Variants in ABCA13 observed in about 807,000 individuals in gnomAD.
ABCA13 encodes ATP-binding cassette sub-family A member 13.
ABCA13 carries 476 observed loss-of-function variants against 478.7 expected under a neutral mutation model. The observed-to-expected ratio is 0.99, with a 90% CI of 0.92 to 1.07. The LOEUF is 1.07. ABCA13 is among the 50% of genes least tolerant of loss of function. The probability of loss-of-function intolerance (pLI) is 0.00; values close to 1 mark genes in which losing one functional copy is unlikely to be tolerated. For synonymous variants in ABCA13, 2,252 were observed against 2,158.9 expected (o/e 1.04, Z -1.20); for missense variants, 6,060 against 5,910.6 (o/e 1.03, Z -0.83).
rs1437026309 is a variant in ABCA13 at position 48,580,328 on chromosome 7, A to G, written c.14459A>G (p.Tyr4820Cys). The G allele has an allele frequency of 2.5e-6, 4 of 1,613,068 alleles. No individual in the cohort carries two copies. In the South Asian group the frequency reaches 3.3e-5, roughly 13 times the overall value. The stretch of plus-strand genomic sequence containing the variant: ...CTTCTGACTGGTTGGGAACATCTCT[A>G]TTATTACTGTAGCTTACGCGGGATT... ...DELLTGWEHL[Y>C]YYCSLRGIPR... Residue 4820 changes from tyrosine to cysteine, a missense_variant, in exon 56 of 62, where the codon TAT becomes TGT. Transcript: ENST00000435803.
chr7:48,543,630 GT>G (rs1417294811), intron 55 of ABCA13, among the ~76,000 whole-genome samples: 1 of 149,644 alleles, frequency 6.7e-6, no homozygotes, highest in Non-Finnish European at 1.5e-5. Flanking sequence ...TCTCAAAAAA[GT>G]AAAAAATAAA....
chr7:48,204,465 C>A (rs1236315918), intron 3 of ABCA13, among the ~76,000 whole-genome samples: 1 of 152,184 alleles, frequency 6.6e-6, no homozygotes, highest in Non-Finnish European at 1.5e-5. Flanking sequence ...CCCCCCTTGG[C>A]CTCCCAAAGT....
intron 23 of ABCA13, among the ~76,000 whole-genome samples, chr7:48,308,635 A>C (rs1021359721): frequency 3.0e-4 from 46 of 152,172 alleles, no homozygotes; most frequent in African/African-American, 1.0e-3. Context: ...TTTCATCTCC[A>C]TTATAATCTT....
chr7:48,254,684 AG>A (rs1333914410), intron 15 of ABCA13, among the ~76,000 whole-genome samples: 1 of 152,138 alleles, frequency 6.6e-6, no homozygotes, highest in Non-Finnish European at 1.5e-5. Context: ...TAATTCAGTC[AG>A]GAATTAAACT....
At chr7:48,508,801 G>T (rs530665397) in intron 50 of ABCA13, among the ~76,000 whole-genome samples, 1 of 152,292 alleles carries the variant, frequency 6.6e-6, no homozygotes, top group Non-Finnish European at 1.5e-5. Flanking sequence ...GGTGCTGTCT[G>T]AGCTGTGCTA....
rs945308101 is a variant in ABCA13 at position 48,418,407 on chromosome 7, C to T, written c.12459+5824C>T. On this transcript the variant is annotated intron_variant, in intron 41 of 61. Coordinates refer to ENST00000435803, the MANE Select transcript of ABCA13 (RefSeq NM_152701.5). ...ATAGGTGTGTAGAGGTATCTCACTG[C>T]TGCCTTAATTTGCATTTTCCTGATG... Among the ~76,000 whole-genome samples, 8 of 152,290 alleles carry T rather than the reference C, an allele frequency of 5.3e-5. No homozygotes were observed. In the East Asian group the frequency reaches 1.3e-3, roughly 26 times the overall value.
At chr7:48,317,116 T>C (rs770263894) in intron 26 of ABCA13, 41 bp from the exon 27 acceptor site, 5 of 1,572,556 alleles carry the variant, frequency 3.2e-6, no homozygotes, top group Non-Finnish European at 4.3e-6. Context: ...CTAGGCATCG[T>C]GTATCATTAG....
At position 48,269,084 on chromosome 7, in the gene ABCA13, T is replaced by C; in HGVS notation, c.2110T>C (p.Ser704Pro). ...LNNLLKSPTA[S>P]ISRALNFTKH... is the part of the protein sequence containing the mutation. ...TAACTTACTCAAGTCTCCAACAGCT[T>C]CCATATCCAGGTAAGTTATCAGAAT... is the stretch of plus-strand genomic sequence containing the variant. Residue 704 changes from serine (S) to proline (P), a missense_variant, in exon 16 of 62, where the codon TCC becomes CCC. Physicochemically the swap from Ser to Pro is moderately conservative, Grantham distance 74 (BLOSUM62 -1). Transcript: ENST00000435803. 1 of 1,548,538 alleles carries C rather than the reference T, an allele frequency of 6.5e-7. No individual in the cohort carries two copies. Among genetic ancestry groups the C allele is most frequent in the Non-Finnish European group, 8.9e-7 (1 of 1,122,624 alleles).
At chr7:48,425,115 A>C (rs976436164) in intron 41 of ABCA13, among the ~76,000 whole-genome samples, 1 of 152,148 alleles carries the variant, frequency 6.6e-6, no homozygotes, top group Admixed American at 6.5e-5. Context: ...GAGATTATTG[A>C]GGGCAAAAAC....
intron 38 of ABCA13, among the ~76,000 whole-genome samples, chr7:48,398,236 A>G (rs1207282252): frequency 2.0e-5 from 3 of 152,216 alleles, no homozygotes; most frequent in Non-Finnish European, 2.9e-5. Context: ...TCTACCCTAG[A>G]CCACAGTAAA....
chr7:48,568,453 T>C (rs973706068), intron 55 of ABCA13, among the ~76,000 whole-genome samples: 5 of 152,074 alleles, frequency 3.3e-5, no homozygotes, highest in African/African-American at 7.2e-5. Flanking sequence ...TAACTTTGCA[T>C]TCCTGGAATA....
intron 58 of ABCA13, among the ~76,000 whole-genome samples, chr7:48,605,442 A>G (rs1199010016): frequency 1.3e-5 from 2 of 152,156 alleles, no homozygotes; most frequent in East Asian, 1.9e-4. Flanking sequence ...AAAATCTCTC[A>G]GCATTTGCTT....
chr7:48,379,057 T>A (rs972916669), intron 35 of ABCA13, among the ~76,000 whole-genome samples: 3 of 152,212 alleles, frequency 2.0e-5, no homozygotes, highest in Admixed American at 6.5e-5. Flanking sequence ...CAGAGTCTAT[T>A]ACAGAATTTA....
chr7:48,353,543 C>T (rs1024474805), intron 31 of ABCA13, among the ~76,000 whole-genome samples: 3 of 151,396 alleles, frequency 2.0e-5, no homozygotes, highest in Admixed American at 6.6e-5. Flanking sequence ...GCACCTCCCA[C>T]CCCTGACTGG....
intron 44 of ABCA13, among the ~76,000 whole-genome samples, chr7:48,471,247 C>G (rs1179729915): frequency 6.6e-6 from 1 of 152,176 alleles, no homozygotes; most frequent in Non-Finnish European, 1.5e-5. Context: ...CCACCAGGAG[C>G]CCCAGCCGCA....
At chr7:48,359,522 G>A (rs1287535152) in intron 31 of ABCA13, among the ~76,000 whole-genome samples, 1 of 151,910 alleles carries the variant, frequency 6.6e-6, no homozygotes, top group African/African-American at 2.4e-5. Context: ...AGAAAGTGGA[G>A]GCCAAATGCA....
chr7:48,543,607 G>A (rs1784547646), intron 55 of ABCA13, among the ~76,000 whole-genome samples: 1 of 151,672 alleles, frequency 6.6e-6, no homozygotes, highest in Non-Finnish European at 1.5e-5. Context: ...CTGGGCAACA[G>A]AGGGAGACTC....
chr7:48,281,337 G>A lies in ABCA13; in HGVS notation c.8727-6G>A. On this transcript the variant is annotated splice_region_variant and splice_polypyrimidine_tract_variant and intron_variant, in intron 18 of 61. Transcript: ENST00000435803. ...TTTATGTCATTGTATATATTTTTTT[G>A]CTAAGTGTTGTTGAGATTTGTGAAG... The A allele has an allele frequency of 2.5e-6, 4 of 1,588,568 alleles. No individual in the cohort carries two copies. Among genetic ancestry groups the A allele is most frequent in the East Asian group, 2.3e-5 (1 of 44,018 alleles).
At chr7:48,286,342 C>A (rs1797736351) in intron 19 of ABCA13, among the ~76,000 whole-genome samples, 1 of 152,178 alleles carries the variant, frequency 6.6e-6, no homozygotes. Flanking sequence ...TCTCTCCCAC[C>A]CCTCTAGCCC....
Sources: gnomAD v4.1 joint callset for allele counts (sites outside exome capture counted in the v4.1 genomes callset) on GRCh38, gnomAD v4.1.1 for gene constraint, MANE v1.5 for transcripts, NCBI Gene and HGNC (gene_info 2026-07-23, HGNC 2026-07-21) for gene names.